Variants in PARVB observed in about 807,000 individuals in gnomAD.
PARVB encodes parvin beta, also known as beta-parvin.
Under a neutral mutation model 47.0 loss-of-function variants are expected in PARVB, and 46 were observed. The observed-to-expected ratio is 0.98, with a 90% CI of 0.77 to 1.25. PARVB has a LOEUF of 1.25. PARVB is among the 50% of genes most tolerant of loss of function. PARVB has a pLI of 0.00. For missense variants in PARVB, 473 were observed against 471.6 expected (o/e 1.00, Z -0.03); for synonymous variants, 196 against 196.3 (o/e 1.00, Z 0.01).
At chr22:44,041,238 T>A (rs1184026716) in intron 1 of PARVB, among the ~76,000 whole-genome samples, 1 of 152,122 alleles carries the variant, frequency 6.6e-6, no homozygotes, top group Non-Finnish European at 1.5e-5. Flanking sequence ...ATGCCTGTAA[T>A]CTCAGCACTT....
chr22:44,073,936 T>C (rs115853156), intron 1 of PARVB, among the ~76,000 whole-genome samples: 1,767 of 152,312 alleles, frequency 0.012, 21 homozygotes, highest in African/African-American at 0.029. Flanking sequence ...GGAGGTGTGA[T>C]TATGGTGTGT....
intron 8 of PARVB, chr22:44,145,506 C>G (rs1024970944): frequency 2.6e-5 from 4 of 152,264 alleles, no homozygotes; most frequent in Admixed American, 2.6e-4. Flanking sequence ...ATTGGGGCCC[C>G]AGCCTGGCTG....
chr22:44,082,709 C>A (rs1178524561), intron 1 of PARVB, among the ~76,000 whole-genome samples: 1 of 152,144 alleles, frequency 6.6e-6, no homozygotes, highest in East Asian at 1.9e-4. Flanking sequence ...TTTTACCGTG[C>A]ACCTGGAAGT....
At chr22:44,069,106 G>A (rs2051596405) in intron 1 of PARVB, 8 of 1,611,454 alleles carry the variant, frequency 5.0e-6, no homozygotes, top group African/African-American at 4.0e-5. Flanking sequence ...CCTGCCCTCC[G>A]ACGTCCGCCG....
intron 11 of PARVB, among the ~76,000 whole-genome samples, chr22:44,159,457 G>C (rs969717390): frequency 2.0e-5 from 3 of 152,164 alleles, no homozygotes; most frequent in African/African-American, 7.2e-5. Context: ...GAGGAGGCTT[G>C]AGTCATCTGC....
upstream of PARVB, among the ~76,000 whole-genome samples, chr22:44,019,909 C>G (rs531169889): frequency 1.8e-3 from 270 of 152,290 alleles, no homozygotes; most frequent in African/African-American, 6.2e-3. Context: ...TCCTAATCCC[C>G]AGTACTGTGA....
chr22:44,064,237 G>A (rs1333789884), intron 1 of PARVB, among the ~76,000 whole-genome samples: 6 of 152,222 alleles, frequency 3.9e-5, no homozygotes, highest in Admixed American at 2.6e-4. Flanking sequence ...TTATAGTCAC[G>A]CCGAAACCCA....
intron 4 of PARVB, among the ~76,000 whole-genome samples, chr22:44,131,252 C>A (rs2147159414): frequency 6.6e-6 from 1 of 151,836 alleles, no homozygotes; most frequent in South Asian, 2.1e-4. Flanking sequence ...AGCACTTCTC[C>A]TGCCTCAGCC....
intron 4 of PARVB, among the ~76,000 whole-genome samples, chr22:44,124,195 G>A (rs1332575434): frequency 6.6e-6 from 1 of 152,222 alleles, no homozygotes; most frequent in Non-Finnish European, 1.5e-5. Context: ...GGTCCTCAGT[G>A]CCATCCACAG....
intron 4 of PARVB, among the ~76,000 whole-genome samples, chr22:44,122,268 A>G (rs900626724): frequency 2.0e-5 from 3 of 152,074 alleles, no homozygotes; most frequent in Non-Finnish European, 4.4e-5. Flanking sequence ...AGCCAGGAGG[A>G]TCACTTGAGC....
chr22:44,027,945 G>C (rs11705060), intron 1 of PARVB, among the ~76,000 whole-genome samples: 1 of 136,686 alleles, frequency 7.3e-6, no homozygotes, highest in Non-Finnish European at 1.6e-5. Context: ...ATATATTCAT[G>C]TGTGTGTATA....
intron 8 of PARVB, chr22:44,140,871 A>C: frequency 4.9e-6 from 1 of 205,654 alleles, no homozygotes; most frequent in Non-Finnish European, 1.0e-5. Flanking sequence ...CCTCATCTTC[A>C]TCTCGGTGAG....
chr22:44,099,834 C>G (rs985848193), intron 2 of PARVB, among the ~76,000 whole-genome samples: 2 of 152,044 alleles, frequency 1.3e-5, no homozygotes, highest in African/African-American at 4.8e-5. Flanking sequence ...GGAGCGAGGC[C>G]GGGCAGAATG....
At chr22:44,060,388 G>A (rs2051397125) in intron 1 of PARVB, among the ~76,000 whole-genome samples, 1 of 152,182 alleles carries the variant, frequency 6.6e-6, no homozygotes, top group Non-Finnish European at 1.5e-5. Flanking sequence ...CTGAGGCAAG[G>A]GAATCGTTTT....
intron 2 of PARVB, among the ~76,000 whole-genome samples, chr22:44,097,172 A>G (rs2052327957): frequency 6.6e-6 from 1 of 152,016 alleles, no homozygotes; most frequent in South Asian, 2.1e-4. Flanking sequence ...AAAAACAAGG[A>G]GCCTCTCACA....
intron 1 of PARVB, among the ~76,000 whole-genome samples, chr22:44,060,321 A>G (rs969177761): frequency 6.6e-6 from 1 of 152,174 alleles, no homozygotes; most frequent in African/African-American, 2.4e-5. Context: ...TTCTAAAAAA[A>G]AGAAAAGAAA....
chr22:44,147,481 G>A, intron 8 of PARVB: 2 of 365,634 alleles, frequency 5.5e-6, no homozygotes, highest in East Asian at 7.1e-5. Context: ...GGATTCACAG[G>A]TGACATTTGC....
rs1225507016 is a variant in PARVB, at chr22:44,068,904, T to C, written c.113-25024T>C. Among the ~76,000 whole-genome samples, 1 of 152,190 alleles carries C rather than the reference T, an allele frequency of 6.6e-6. No homozygotes were observed. The highest frequency in any genetic ancestry group is 2.4e-5 in the African/African-American group (1 of 41,456). ...CCTGGGGAGCAGTTGCCCTGGCCCA[T>C]GAGGCTGATGGGAGTCAAGACAGAA... On this transcript the variant is annotated intron_variant, in intron 1 of 12. Transcript: ENST00000338758. This position sits in a 1 kb window ranked among gnomAD's most constrained non-coding sequence, Gnocchi z 4.1.
chr22:44,006,077 G>C (rs2050461448), intron 2 of PARVB, among the ~76,000 whole-genome samples: 1 of 152,084 alleles, frequency 6.6e-6, no homozygotes, highest in Admixed American at 6.6e-5. Flanking sequence ...GGAATAGCTG[G>C]GACCACAGGC....
Sources: gnomAD v4.1 joint callset for allele counts (sites outside exome capture counted in the v4.1 genomes callset) on GRCh38, gnomAD v4.1.1 for gene constraint, Gnocchi (gnomAD v3.1) non-coding constraint, MANE v1.5 for transcripts, NCBI Gene and HGNC (gene_info 2026-07-23, HGNC 2026-07-21) for gene names.